Variants in TCF4 observed in about 807,000 individuals in gnomAD.
The protein encoded by TCF4 is transcription factor 4, also known as SL3-3 enhancer factor 2.
TCF4 carries 3 observed loss-of-function variants against 82.1 expected under a neutral mutation model. The ratio of observed to expected loss-of-function variants is 0.04; its 90% CI spans 0.02 to 0.09. The LOEUF (loss-of-function observed/expected upper bound fraction) is 0.09, where lower values mean the gene tolerates loss of function less well. TCF4 is among the 10% of genes least tolerant of loss of function. The pLI, the probability that TCF4 is intolerant of heterozygous loss-of-function variation, is 1.00. For missense variants in TCF4, 518 were observed against 852.7 expected, an observed-to-expected ratio of 0.61 and a Z score of 4.89; for synonymous variants, 276 against 309.6, an observed-to-expected ratio of 0.89 and a Z score of 1.14.
chr18:55,253,911 C>T (rs906036089), intron 15 of TCF4, among the ~76,000 whole-genome samples: 2 of 152,112 alleles, frequency 1.3e-5, no homozygotes, highest in African/African-American at 4.8e-5. Context: ...AATTCATCCT[C>T]AAGGGAAACA....
intron 5 of TCF4, among the ~76,000 whole-genome samples, chr18:55,444,379 C>T (rs1237548893): frequency 6.6e-6 from 1 of 152,110 alleles, no homozygotes. Flanking sequence ...TTGGATTCAC[C>T]ACTTGGAGGG....
intron 3 of TCF4, among the ~76,000 whole-genome samples, chr18:55,473,725 A>G (rs1397045160): frequency 2.0e-5 from 3 of 152,212 alleles, no homozygotes; most frequent in Admixed American, 6.5e-5. Flanking sequence ...CAAAACATCA[A>G]TGAGAAGGCT....
intron 3 of TCF4, among the ~76,000 whole-genome samples, chr18:55,527,521 T>A (rs1054128040): frequency 6.6e-6 from 1 of 152,204 alleles, no homozygotes; most frequent in Non-Finnish European, 1.5e-5. Context: ...ATCATTGGAA[T>A]TCATCATTTT....
intron 1 of TCF4, among the ~76,000 whole-genome samples, chr18:55,635,502 C>A (rs2097735444): frequency 6.7e-6 from 1 of 149,434 alleles, no homozygotes; most frequent in Non-Finnish European, 1.5e-5. Context: ...GAGTGAGGCC[C>A]TGTCTCAAAA....
At chr18:55,366,817 CAT>C (rs758764177) in intron 6 of TCF4, among the ~76,000 whole-genome samples, 28 of 152,246 alleles carry the variant, frequency 1.8e-4, no homozygotes, top group Non-Finnish European at 3.2e-4. Flanking sequence ...TGAGCATTTT[CAT>C]ATGTTTGCTC....
chr18:55,358,639 T>C (rs566534801), intron 6 of TCF4, among the ~76,000 whole-genome samples: 2 of 152,378 alleles, frequency 1.3e-5, no homozygotes, highest in South Asian at 4.1e-4. Context: ...ATGCTAGTTC[T>C]CTGCTCCACA....
At chr18:55,299,226 C>A (rs545266958) in intron 8 of TCF4, among the ~76,000 whole-genome samples, 1 of 152,252 alleles carries the variant, frequency 6.6e-6, no homozygotes, top group African/African-American at 2.4e-5. Context: ...GCCTGGCCAA[C>A]ATGGTGAAAC....
At chr18:55,241,949 C>T (rs1191868954) in intron 15 of TCF4, among the ~76,000 whole-genome samples, 2 of 152,196 alleles carry the variant, frequency 1.3e-5, no homozygotes, top group African/African-American at 2.4e-5. Flanking sequence ...AGGACCAATG[C>T]AGTTCCCTCC....
intron 2 of TCF4, 194 bp from the exon 3 acceptor site, chr18:55,585,546 T>C (rs2097634548): frequency 3.1e-6 from 2 of 652,544 alleles, no homozygotes; most frequent in Admixed American, 3.0e-5. Flanking sequence ...CCATTATCAC[T>C]CTGTTCTTTC....
chr18:55,399,878 T>TCACACA (rs1457281028), intron 6 of TCF4, among the ~76,000 whole-genome samples: 14 of 77,002 alleles, frequency 1.8e-4, no homozygotes, highest in Admixed American at 4.4e-4. Flanking sequence ...TCTCTCTCTC[T>TCACACA]CTCACACACA....
At chr18:55,577,213 A>ATATATACATTTATATATTTATAT (rs1568443765) in intron 3 of TCF4, among the ~76,000 whole-genome samples, 9,101 of 17,784 alleles carry the variant, frequency 0.51, 1,948 homozygotes, top group East Asian at 0.69. Context: ...TATTTATATA[A>ATATATACATTTATATATTTATAT]ATGTATATAT....
At chr18:55,450,482 C>T (rs2095602606) in intron 5 of TCF4, among the ~76,000 whole-genome samples, 1 of 152,106 alleles carries the variant, frequency 6.6e-6, no homozygotes, top group South Asian at 2.1e-4. Context: ...GTTCCTAGGC[C>T]TCATATTCCG....
At position 55,225,488 on chromosome 18, in the gene TCF4, T is replaced by C. The variant is rs1290320163; in HGVS notation, c.*2547A>G. 1 of 152,584 alleles carries C rather than the reference T, an allele frequency of 6.6e-6. No individual in the cohort carries two copies. Among genetic ancestry groups the C allele is most frequent in the Non-Finnish European group, 1.5e-5 (1 of 68,006 alleles). The allele number at this position is 152,584 out of a possible 1,614,324, so 9.5% of individuals were successfully genotyped here. A position where few individuals can be genotyped will look rare whatever the true frequency, so the allele number is the denominator to read the frequency against. ...TCCCTAAAGAGTAAACACCGTATTT[T>C]CTTCTGTACACTTATCCTGAATGTG... On this transcript the variant is annotated 3_prime_UTR_variant, in exon 20 of 20. Coordinates refer to ENST00000354452, the MANE Select transcript of TCF4 (RefSeq NM_001083962.2).
chr18:55,623,000 CAA>C (rs1367227388), intron 2 of TCF4, among the ~76,000 whole-genome samples: 2 of 151,860 alleles, frequency 1.3e-5, no homozygotes, highest in South Asian at 2.1e-4. Flanking sequence ...GAGTGGCAGA[CAA>C]GAGATTCCCA....
intron 5 of TCF4, among the ~76,000 whole-genome samples, chr18:55,409,648 G>A (rs2094257320): frequency 6.6e-6 from 1 of 152,014 alleles, no homozygotes; most frequent in Non-Finnish European, 1.5e-5. Flanking sequence ...AATATATCAG[G>A]TTACTATATA....
chr18:55,511,171 A>G (rs749664685), intron 3 of TCF4, among the ~76,000 whole-genome samples: 4 of 152,002 alleles, frequency 2.6e-5, no homozygotes, highest in African/African-American at 9.7e-5. Context: ...TTTTAATATC[A>G]TTTTCAACAC....
In TCF4 at chr18:55,303,226, TACACACACAC is replaced by T. The variant is rs74180496; in HGVS notation, c.550-23580_550-23571del. 3.7e-3 allele frequency among the ~76,000 whole-genome samples: 500 copies of T among 136,070 alleles called. 2 individuals are homozygous for T. Among genetic ancestry groups the T allele is most frequent in the Middle Eastern group, 7.4e-3 (2 of 272 alleles). The allele number at this position is 136,070 out of a possible 152,430, so 89.3% of individuals were successfully genotyped here. On this transcript the variant is annotated intron_variant, in intron 8 of 19. Coordinates refer to ENST00000354452, the MANE Select transcript of TCF4 (RefSeq NM_001083962.2). ...TACTTCCAACCTGGCTCCCAGTACG[TACACACACAC>T]ACACACACACACACACACACACACA...
chr18:55,549,588 C>T (rs2097240718), intron 3 of TCF4, among the ~76,000 whole-genome samples: 1 of 152,178 alleles, frequency 6.6e-6, no homozygotes, highest in Non-Finnish European at 1.5e-5. Flanking sequence ...CAATATCAGT[C>T]TTCCACACCT....
chr18:55,489,676 TG>T (rs2096555513), intron 3 of TCF4, among the ~76,000 whole-genome samples: 1 of 152,196 alleles, frequency 6.6e-6, no homozygotes. Flanking sequence ...CAAGGCAATC[TG>T]CATCCTGAAC....
Sources: gnomAD v4.1 joint callset for allele counts (sites outside exome capture counted in the v4.1 genomes callset) on GRCh38, gnomAD v4.1.1 for gene constraint, MANE v1.5 for transcripts, NCBI Gene and HGNC (gene_info 2026-07-23, HGNC 2026-07-21) for gene names.